Variants in RBFOX1 observed in about 807,000 individuals in gnomAD.
The protein encoded by RBFOX1 is RNA binding protein fox-1 homolog 1.
RBFOX1 carries 8 observed loss-of-function variants against 57.7 expected under a neutral mutation model. That is an observed-to-expected ratio of 0.14 (90% CI 0.08 to 0.25). The LOEUF is 0.25. Among genes scored for constraint, RBFOX1 ranks in the 10% least tolerant of loss-of-function variants. The pLI is 1.00. For missense variants in RBFOX1, 611 were observed against 548.5 expected, an observed-to-expected ratio of 1.11 and a Z score of -1.14; for synonymous variants, 326 against 222.4, an observed-to-expected ratio of 1.47 and a Z score of -4.15.
At chr16:5,817,154 C>A (rs898437335) in intron 3 of RBFOX1, among the ~76,000 whole-genome samples, 2 of 152,144 alleles carry the variant, frequency 1.3e-5, no homozygotes, top group Admixed American at 6.5e-5. Context: ...GTCTTGCACT[C>A]TTGTGCACTC....
intron 2 of RBFOX1, among the ~76,000 whole-genome samples, chr16:6,411,413 T>A (rs1229755619): frequency 6.6e-6 from 1 of 152,224 alleles, no homozygotes; most frequent in Admixed American, 6.5e-5. Context: ...GATGAACACA[T>A]GCCTTTGTTG....
chr16:7,615,984 A>G (rs761541058), intron 10 of RBFOX1, among the ~76,000 whole-genome samples: 3 of 152,238 alleles, frequency 2.0e-5, no homozygotes, highest in East Asian at 1.9e-4. Context: ...GCAGTCATCA[A>G]TGGCAGTCAA....
At chr16:6,307,212 T>C (rs1302522134) in intron 1 of RBFOX1, among the ~76,000 whole-genome samples, 1 of 152,100 alleles carries the variant, frequency 6.6e-6, no homozygotes, top group Non-Finnish European at 1.5e-5. Context: ...GAGAGACTTC[T>C]GCAAGTAAAG....
intron 3 of RBFOX1, among the ~76,000 whole-genome samples, chr16:6,738,951 A>G (rs1251023708): frequency 2.0e-5 from 3 of 152,226 alleles, no homozygotes; most frequent in African/African-American, 4.8e-5. Flanking sequence ...GAAAATAAAC[A>G]TACAGTGTAT....
intron 4 of RBFOX1, among the ~76,000 whole-genome samples, chr16:7,425,183 A>T (rs1215759274): frequency 6.6e-6 from 1 of 152,128 alleles, no homozygotes; most frequent in Non-Finnish European, 1.5e-5. Flanking sequence ...TTTGAAGTGC[A>T]TTTTTGCTGT....
intron 1 of RBFOX1, among the ~76,000 whole-genome samples, chr16:6,282,355 GTTTTTTTTTTTT>G (rs151272388): frequency 8.0e-6 from 1 of 125,264 alleles, no homozygotes; most frequent in Non-Finnish European, 1.7e-5. Flanking sequence ...TACCTTGTCT[GTTTTTTTTTTTT>G]TTTTTTTTTT....
chr16:5,310,850 A>T (rs1233136705), intron 1 of RBFOX1, among the ~76,000 whole-genome samples: 1 of 152,190 alleles, frequency 6.6e-6, no homozygotes, highest in Non-Finnish European at 1.5e-5. Context: ...TAAAATTTTT[A>T]AAAATTTCAA....
rs568234774 is a variant in RBFOX1, at chr16:5,914,196, G to C, written c.351+46861G>C. Among the ~76,000 whole-genome samples, 7 of 152,350 alleles carry C rather than the reference G, an allele frequency of 4.6e-5. 1 individual carries two copies. Among genetic ancestry groups the C allele is most frequent in the African/African-American group, 1.7e-4 (7 of 41,588 alleles). On this transcript the variant is annotated intron_variant, in intron 4 of 19. Coordinates refer to the RBFOX1 transcript ENST00000641259. ...AGACGGAAAACTGTCTTCATTTTGA[G>C]TTAACAGTGCCTAGTAGATGTCTTC...
intron 14 of RBFOX1, 45 bp downstream of exon 14, chr16:7,676,883 C>G (rs1273081205): frequency 2.0e-6 from 3 of 1,533,854 alleles, no homozygotes; most frequent in South Asian, 1.1e-5. Context: ...TGTAAATTAA[C>G]TTAGTTGATG....
intron 1 of RBFOX1, among the ~76,000 whole-genome samples, chr16:5,402,403 A>T (rs560187511): frequency 1.3e-5 from 2 of 152,284 alleles, no homozygotes; most frequent in East Asian, 3.9e-4. Context: ...TGGAGACAAG[A>T]CGTGAGAGGC....
intron 3 of RBFOX1, among the ~76,000 whole-genome samples, chr16:6,946,645 C>G (rs2079580187): frequency 6.7e-6 from 1 of 150,142 alleles, no homozygotes; most frequent in South Asian, 2.1e-4. Flanking sequence ...TTCAGTCACC[C>G]AGGCTGGAGT....
At chr16:6,478,628 G>T (rs531081865) in intron 2 of RBFOX1, among the ~76,000 whole-genome samples, 1 of 151,398 alleles carries the variant, frequency 6.6e-6, no homozygotes, top group African/African-American at 2.4e-5. Context: ...TGAGAGGTGT[G>T]TGGCTCTTCC....
At chr16:6,593,226 C>T (rs1055108597) in intron 2 of RBFOX1, among the ~76,000 whole-genome samples, 1 of 151,990 alleles carries the variant, frequency 6.6e-6, no homozygotes, top group Non-Finnish European at 1.5e-5. Flanking sequence ...TGGAGATCAC[C>T]CTCTTCCACG....
chr16:6,514,887 G>T (rs1051639913), intron 2 of RBFOX1, among the ~76,000 whole-genome samples: 1 of 152,048 alleles, frequency 6.6e-6, no homozygotes, highest in Non-Finnish European at 1.5e-5. Flanking sequence ...AAGGAGGAAG[G>T]GGAGGAGGAG....
chr16:7,018,653 A>T (rs1422432103), intron 3 of RBFOX1, among the ~76,000 whole-genome samples: 3 of 152,132 alleles, frequency 2.0e-5, no homozygotes, highest in Non-Finnish European at 4.4e-5. Context: ...GAATTGCCAC[A>T]CTGTGTTCCA....
At chr16:7,637,185 A>G (rs1172846641) in intron 11 of RBFOX1, among the ~76,000 whole-genome samples, 1 of 152,116 alleles carries the variant, frequency 6.6e-6, no homozygotes, top group Non-Finnish European at 1.5e-5. Context: ...GTTGAACAGT[A>G]GATCCCCATC....
At chr16:7,567,589 G>A (rs1190002345) in intron 5 of RBFOX1, among the ~76,000 whole-genome samples, 2 of 64,318 alleles carry the variant, frequency 3.1e-5, no homozygotes, top group African/African-American at 5.2e-5. Context: ...CCCTATATAT[G>A]GCCCTATATA....
intron 5 of RBFOX1, among the ~76,000 whole-genome samples, chr16:7,570,464 T>C (rs139426696): frequency 1.2e-3 from 177 of 152,314 alleles, no homozygotes; most frequent in Admixed American, 2.0e-3. Flanking sequence ...CACATTTTAC[T>C]CAACCGAAAC....
chr16:5,407,010 C>G (rs1346310548), intron 1 of RBFOX1, among the ~76,000 whole-genome samples: 2 of 152,102 alleles, frequency 1.3e-5, no homozygotes, highest in Non-Finnish European at 2.9e-5. Context: ...AAGATACTAC[C>G]CTAGACTGGG....
Sources: gnomAD v4.1 joint callset for allele counts (sites outside exome capture counted in the v4.1 genomes callset) on GRCh38, gnomAD v4.1.1 for gene constraint, MANE v1.5 for transcripts, NCBI Gene and HGNC (gene_info 2026-07-23, HGNC 2026-07-21) for gene names.